DAB1: variants seen among roughly 807,000 people sequenced by gnomAD.
DAB1 encodes disabled homolog 1.
In DAB1, 15 loss-of-function variants were observed where a neutral mutation model predicts 64.6. The ratio of observed to expected loss-of-function variants is 0.23; its 90% CI spans 0.16 to 0.36. DAB1 has a LOEUF of 0.36. Among genes scored for constraint, DAB1 ranks in the 10% least tolerant of loss-of-function variants. The probability of loss-of-function intolerance (pLI) is 1.00; values close to 1 mark genes in which losing one functional copy is unlikely to be tolerated. For missense variants in DAB1, 596 were observed against 706.7 expected, an observed-to-expected ratio of 0.84 and a Z score of 1.78; for synonymous variants, 235 against 251.9, an observed-to-expected ratio of 0.93 and a Z score of 0.64.
intron 1 of DAB1, among the ~76,000 whole-genome samples, chr1:57,383,399 A>C (rs930705731): frequency 6.6e-6 from 1 of 152,132 alleles, no homozygotes; most frequent in Admixed American, 6.6e-5. Flanking sequence ...ACAGAAACCT[A>C]TCTCTGCACA....
At chr1:58,074,713 C>G (rs1649533881) in intron 5 of DAB1, among the ~76,000 whole-genome samples, 1 of 151,412 alleles carries the variant, frequency 6.6e-6, no homozygotes, top group South Asian at 2.1e-4. Context: ...CCCTCAATCA[C>G]GTGGCCTCCA....
intron 14 of DAB1, among the ~76,000 whole-genome samples, chr1:57,008,753 C>T (rs1173874745): frequency 1.3e-5 from 2 of 152,154 alleles, no homozygotes; most frequent in African/African-American, 4.8e-5. Context: ...GCGCTAGATA[C>T]TCAACATAAA....
chr1:58,212,944 C>A (rs1474513797), intron 4 of DAB1, among the ~76,000 whole-genome samples: 1 of 152,146 alleles, frequency 6.6e-6, no homozygotes, highest in Non-Finnish European at 1.5e-5. Context: ...AAACCTCAAC[C>A]CTTACTTGGT....
At chr1:58,042,664 G>A (rs1007602322) in intron 5 of DAB1, among the ~76,000 whole-genome samples, 34 of 152,300 alleles carry the variant, frequency 2.2e-4, no homozygotes, top group Non-Finnish European at 4.4e-4. Context: ...ATACTCTAGC[G>A]GGGACAGCAT....
intron 1 of DAB1, among the ~76,000 whole-genome samples, chr1:57,313,396 G>A (rs548419703): frequency 3.9e-5 from 6 of 152,174 alleles, no homozygotes; most frequent in Non-Finnish European, 8.8e-5. Context: ...TTCAATTACA[G>A]TGTTGGTATT....
chr1:57,342,253 A>G (rs1331752944), intron 1 of DAB1, among the ~76,000 whole-genome samples: 2 of 152,100 alleles, frequency 1.3e-5, no homozygotes, highest in Admixed American at 6.5e-5. Context: ...TCTTTTCTCC[A>G]CAGGATCTTC....
At chr1:57,075,801 G>A (rs1419991349) in intron 4 of DAB1, among the ~76,000 whole-genome samples, 2 of 152,144 alleles carry the variant, frequency 1.3e-5, no homozygotes, top group African/African-American at 4.8e-5. Context: ...GGATGACAAA[G>A]CATTGAAAAA....
At chr1:58,339,720 A>C (rs960441801) in intron 4 of DAB1, among the ~76,000 whole-genome samples, 3 of 152,162 alleles carry the variant, frequency 2.0e-5, no homozygotes, top group Non-Finnish European at 4.4e-5. Flanking sequence ...TTGAGCTAAA[A>C]CTTTAGTGTT....
At chr1:58,082,472 C>T (rs1310902840) in intron 5 of DAB1, among the ~76,000 whole-genome samples, 1 of 151,612 alleles carries the variant, frequency 6.6e-6, no homozygotes, top group African/African-American at 2.4e-5. Context: ...CAAAGACTTT[C>T]CTGTCTCGTG....
chr1:57,075,348 A>G (rs148471910), intron 4 of DAB1, among the ~76,000 whole-genome samples: 87 of 152,292 alleles, frequency 5.7e-4, no homozygotes, highest in African/African-American at 1.9e-3. Flanking sequence ...TGTCTTGCAG[A>G]GTGTAGCTGT....
chr1:57,735,217 CT>C (rs1384663874), intron 6 of DAB1, among the ~76,000 whole-genome samples: 1 of 152,088 alleles, frequency 6.6e-6, no homozygotes, highest in East Asian at 1.9e-4. Flanking sequence ...AGACGACTGC[CT>C]TTGTGATTAA....
chr1:57,042,550 T>C (rs1647923495), intron 9 of DAB1, among the ~76,000 whole-genome samples: 2 of 152,164 alleles, frequency 1.3e-5, no homozygotes, highest in South Asian at 2.1e-4. Context: ...TTTTCTACTA[T>C]AGCCTATGGC....
intron 1 of DAB1, among the ~76,000 whole-genome samples, chr1:57,834,272 G>T (rs894893830): frequency 6.6e-6 from 1 of 152,092 alleles, no homozygotes. Context: ...AAATTTTGCT[G>T]CCATACTCCT....
chr1:57,658,937 T>A (rs1192872003), intron 6 of DAB1, among the ~76,000 whole-genome samples: 1 of 152,104 alleles, frequency 6.6e-6, no homozygotes, highest in Non-Finnish European at 1.5e-5. Flanking sequence ...CTATGCAGAG[T>A]TTTCCCCATT....
At chr1:57,191,637 G>A (rs1325511793) in intron 2 of DAB1, among the ~76,000 whole-genome samples, 4 of 152,072 alleles carry the variant, frequency 2.6e-5, no homozygotes, top group Non-Finnish European at 4.4e-5. Flanking sequence ...TCAAAGTTCT[G>A]TGCCACAGAC....
At chr1:57,192,561 T>A (rs1050625687) in intron 2 of DAB1, among the ~76,000 whole-genome samples, 5 of 152,120 alleles carry the variant, frequency 3.3e-5, no homozygotes, top group African/African-American at 1.2e-4. Context: ...ACCATAACCA[T>A]CACCATCACC....
chr1:58,232,334 C>T (rs959323502), intron 4 of DAB1, among the ~76,000 whole-genome samples: 2 of 152,196 alleles, frequency 1.3e-5, no homozygotes, highest in Admixed American at 6.5e-5. Flanking sequence ...CTTCAGCATG[C>T]CTAACTCATG....
chr1:58,292,445 C>T (rs1488113155), intron 4 of DAB1, among the ~76,000 whole-genome samples: 1 of 152,146 alleles, frequency 6.6e-6, no homozygotes, highest in East Asian at 1.9e-4. Flanking sequence ...AATAATAATT[C>T]TTCAATTCCA....
intron 5 of DAB1, among the ~76,000 whole-genome samples, chr1:58,125,606 T>A (rs373362025): frequency 3.3e-5 from 5 of 152,136 alleles, no homozygotes; most frequent in African/African-American, 1.2e-4. Context: ...CATGCTTGGA[T>A]ACTTTTTAAA....
Sources: allele counts gnomAD v4.1 joint callset (sites outside exome capture counted in the v4.1 genomes callset), GRCh38; gene constraint gnomAD v4.1.1; transcripts MANE v1.5; gene names NCBI Gene and HGNC (gene_info 2026-07-23, HGNC 2026-07-21).